PTPRD: variants seen among roughly 807,000 people sequenced by gnomAD.
The protein encoded by PTPRD is protein tyrosine phosphatase receptor type D, also known as receptor-type tyrosine-protein phosphatase delta.
A neutral mutation model predicts 214.5 loss-of-function variants in PTPRD; 34 were observed. The ratio of observed to expected loss-of-function variants is 0.16; its 90% CI spans 0.12 to 0.21. The LOEUF is 0.21. PTPRD is among the 10% of genes least tolerant of loss of function. The pLI is 1.00. For synonymous variants in PTPRD, 1,128 were observed against 845.7 expected, an observed-to-expected ratio of 1.33 and a Z score of -5.79; for missense variants, 2,545 against 2,398.7, an observed-to-expected ratio of 1.06 and a Z score of -1.27.
chr9:9,955,138 G>C (rs2093795750), intron 4 of PTPRD, among the ~76,000 whole-genome samples: 1 of 152,170 alleles, frequency 6.6e-6, no homozygotes, highest in Admixed American at 6.5e-5. Context: ...CAGCAATGTA[G>C]TCAGGTCCTC....
At chr9:10,532,950 A>C (rs1303208575) in intron 2 of PTPRD, among the ~76,000 whole-genome samples, 1 of 151,988 alleles carries the variant, frequency 6.6e-6, no homozygotes, top group East Asian at 1.9e-4. Flanking sequence ...CCAGTGTGGC[A>C]GTGTTGGGAT....
At chr9:9,139,376 T>C (rs1284847806) in intron 10 of PTPRD, among the ~76,000 whole-genome samples, 1 of 152,196 alleles carries the variant, frequency 6.6e-6, no homozygotes, top group Non-Finnish European at 1.5e-5. Flanking sequence ...GTCCCAGTTT[T>C]CAATAACCTA....
chr9:10,186,474 G>C (rs757528578), intron 3 of PTPRD, among the ~76,000 whole-genome samples: 20 of 152,078 alleles, frequency 1.3e-4, no homozygotes, highest in Non-Finnish European at 2.6e-4. Context: ...TTAACAATAT[G>C]ATAGATGAAA....
At chr9:8,578,775 T>A (rs1312179874) in intron 14 of PTPRD, among the ~76,000 whole-genome samples, 1 of 152,240 alleles carries the variant, frequency 6.6e-6, no homozygotes, top group Non-Finnish European at 1.5e-5. Flanking sequence ...TTATTTAACA[T>A]ATTGACTTAA....
At chr9:10,045,080 T>G (rs1055442704) in intron 3 of PTPRD, among the ~76,000 whole-genome samples, 5 of 151,698 alleles carry the variant, frequency 3.3e-5, no homozygotes, top group Non-Finnish European at 5.9e-5. Flanking sequence ...TATTCAAGAT[T>G]CAGAGGTCAA....
rs551774154 is a variant in PTPRD at position 10,422,258 on chromosome 9, T to C, written c.-599-81241A>G. Among the ~76,000 whole-genome samples, 5 of 152,188 alleles carry C rather than the reference T, an allele frequency of 3.3e-5. No homozygotes were observed. The South Asian group carries it at 8.3e-4, about 25-fold the overall frequency. ...GTGCTGGGAAAACTGGCTAGCCATA[T>C]GTAGAAGGCTGAAACTGGATCCCTT... On this transcript the variant is annotated intron_variant, in intron 2 of 45. Coordinates refer to ENST00000381196, the MANE Select transcript of PTPRD (RefSeq NM_002839.4).
At chr9:10,047,297 G>T (rs535194873) in intron 3 of PTPRD, among the ~76,000 whole-genome samples, 1 of 131,066 alleles carries the variant, frequency 7.6e-6, no homozygotes, top group Non-Finnish European at 1.6e-5. Context: ...GTAAAATGAA[G>T]ATAAAATCAA....
At chr9:9,688,713 T>C (rs2097209311) in intron 7 of PTPRD, among the ~76,000 whole-genome samples, 3 of 151,908 alleles carry the variant, frequency 2.0e-5, no homozygotes, top group South Asian at 4.1e-4. Flanking sequence ...TTCTATTTCT[T>C]CTGGAGTGGT....
chr9:9,359,958 A>G (rs2055381559), intron 9 of PTPRD, among the ~76,000 whole-genome samples: 1 of 151,302 alleles, frequency 6.6e-6, no homozygotes, highest in South Asian at 2.1e-4. Context: ...TAACTTAAGA[A>G]AACATTTTTA....
chr9:10,452,861 T>A (rs2098852958), intron 2 of PTPRD, among the ~76,000 whole-genome samples: 1 of 151,748 alleles, frequency 6.6e-6, no homozygotes, highest in East Asian at 1.9e-4. Context: ...TGCTTTTGTT[T>A]TCTCCGTTTT....
At chr9:9,390,731 GCACAGTCTTAT>G (rs1395565814) in intron 9 of PTPRD, among the ~76,000 whole-genome samples, 1 of 152,126 alleles carries the variant, frequency 6.6e-6, no homozygotes, top group Admixed American at 6.6e-5. Context: ...AGGACAGCAG[GCACAGTCTTAT>G]CAAGTTCTGA....
intron 10 of PTPRD, among the ~76,000 whole-genome samples, chr9:9,025,093 A>T (rs574480602): frequency 7.9e-5 from 12 of 152,114 alleles, no homozygotes; most frequent in African/African-American, 1.2e-4. Flanking sequence ...ATATATTTTT[A>T]TTCACTAGTC....
intron 3 of PTPRD, among the ~76,000 whole-genome samples, chr9:10,089,748 G>T (rs447925): frequency 0.26 from 39,632 of 151,360 alleles, 5,615 homozygotes; most frequent in East Asian, 0.52. Context: ...AATTCAGATT[G>T]TACTCTGGCC....
At chr9:10,344,061 T>G (rs889713449) in intron 2 of PTPRD, among the ~76,000 whole-genome samples, 2 of 150,408 alleles carry the variant, frequency 1.3e-5, no homozygotes, top group African/African-American at 4.9e-5. Context: ...TTTTGGCTTT[T>G]GTTGCCATTG....
intron 8 of PTPRD, among the ~76,000 whole-genome samples, chr9:9,518,124 C>T (rs1169645472): frequency 6.6e-6 from 1 of 152,004 alleles, no homozygotes; most frequent in Non-Finnish European, 1.5e-5. Flanking sequence ...TGTTAAAGTT[C>T]TCCCTAAAAC....
intron 10 of PTPRD, among the ~76,000 whole-genome samples, chr9:9,097,321 A>G (rs1239366164): frequency 6.6e-6 from 1 of 152,082 alleles, no homozygotes; most frequent in East Asian, 1.9e-4. Flanking sequence ...TTTTTGGGGT[A>G]CTAAACCTCA....
At chr9:9,000,595 T>G (rs956792515) in intron 11 of PTPRD, among the ~76,000 whole-genome samples, 1 of 152,028 alleles carries the variant, frequency 6.6e-6, no homozygotes, top group African/African-American at 2.4e-5. Context: ...TAAGCATTTT[T>G]AATGACCCCC....
At chr9:8,966,928 A>ACAAC (rs1181703308) in intron 11 of PTPRD, among the ~76,000 whole-genome samples, 1 of 151,860 alleles carries the variant, frequency 6.6e-6, no homozygotes, top group Non-Finnish European at 1.5e-5. Context: ...AAACAAACAA[A>ACAAC]CAAACAACAA....
intron 11 of PTPRD, among the ~76,000 whole-genome samples, chr9:8,954,477 T>G (rs2099120777): frequency 6.6e-6 from 1 of 151,430 alleles, no homozygotes; most frequent in South Asian, 2.1e-4. Flanking sequence ...CTGTGCATAT[T>G]CTCCACAATT....
Sources: gnomAD v4.1 joint callset for allele counts (sites outside exome capture counted in the v4.1 genomes callset) on GRCh38, gnomAD v4.1.1 for gene constraint, MANE v1.5 for transcripts, NCBI Gene and HGNC (gene_info 2026-07-23, HGNC 2026-07-21) for gene names.